CRHR2: variants seen among roughly 807,000 people sequenced by gnomAD.
The protein encoded by CRHR2 is corticotropin releasing hormone receptor 2, also known as corticotropin-releasing hormone receptor 2.
CRHR2 carries 53 observed loss-of-function variants against 57.9 expected under a neutral mutation model. That is an observed-to-expected ratio of 0.92 (90% confidence interval 0.73 to 1.15). The LOEUF is 1.15. Among genes scored for constraint, CRHR2 ranks in the 50% most tolerant of loss-of-function variants. CRHR2 has a pLI of 0.00. For synonymous variants in CRHR2, 213 were observed against 220.9 expected (o/e 0.96, Z 0.32); for missense variants, 532 against 542.6 (o/e 0.98, Z 0.19).
At chr7:30,693,766 G>A (rs1473476631) in intron 1 of CRHR2, among the ~76,000 whole-genome samples, 1 of 152,168 alleles carries the variant, frequency 6.6e-6, no homozygotes, top group Non-Finnish European at 1.5e-5. Flanking sequence ...CAGGAAGATA[G>A]CATCAGAATT....
In CRHR2 at chr7:30,653,674, T is replaced by C; in HGVS notation, c.1096-74A>G. On this transcript the variant is annotated intron_variant, in intron 11 of 11. Transcript: ENST00000471646. This position sits in a 1 kb window ranked among gnomAD's most constrained non-coding sequence, Gnocchi z 5.0. Reference sequence around the variant, plus strand: ...CTTCTGGGACCATCCCCTCCTCTGCTTTCTGCTCTCATGGGTCGACTGCCA... The same window carrying C: ...CTTCTGGGACCATCCCCTCCTCTGCCTTCTGCTCTCATGGGTCGACTGCCA... 2.0e-6 allele frequency: 3 copies of C among 1,505,654 alleles called. No individual in the cohort carries two copies. Among genetic ancestry groups the C allele is most frequent in the Non-Finnish European group, 1.8e-6 (2 of 1,132,916 alleles). The allele number at this position is 1,505,654 out of a possible 1,614,324, so 93.3% of individuals were successfully genotyped here.
intron 1 of CRHR2, among the ~76,000 whole-genome samples, chr7:30,692,397 G>C (rs888173576): frequency 4.6e-5 from 7 of 152,300 alleles, no homozygotes; most frequent in Middle Eastern, 3.4e-3. Flanking sequence ...GCCCCTGAAG[G>C]TGCAGCCTCC....
At chr7:30,664,950 T>C in intron 5 of CRHR2, 120 bp downstream of exon 5, 2 of 777,490 alleles carry the variant, frequency 2.6e-6, no homozygotes, top group Non-Finnish European at 4.5e-6. Flanking sequence ...AGAGGGCTGC[T>C]TTAGCAGGTA....
Position 30,656,330 on chromosome 7 carries a change from G to C in CRHR2, c.832-318C>G, listed in dbSNP as rs960261559. ...GAGAAAGCCCCCAACCCTCTCCCCA[G>C]TATAGGGACCCTATGGGAGCCCCCT... On this transcript the variant is annotated intron_variant, in intron 8 of 11. Coordinates refer to ENST00000471646, the MANE Select transcript of CRHR2 (RefSeq NM_001883.5). This position sits in a 1 kb window ranked among gnomAD's most constrained non-coding sequence, Gnocchi z 4.4. 6.6e-6 allele frequency among the ~76,000 whole-genome samples: 1 copy of C among 151,964 alleles called. No homozygotes were observed. The highest frequency in any genetic ancestry group is 2.4e-5 in the African/African-American group (1 of 41,400).
chr7:30,657,814 T>TTCCA (rs966919479), intron 8 of CRHR2, among the ~76,000 whole-genome samples: 4 of 151,940 alleles, frequency 2.6e-5, no homozygotes, highest in Admixed American at 1.3e-4. Flanking sequence ...CCTTCCTTCC[T>TTCCA]TCCATCCATC....
At chr7:30,694,563 C>T (rs1785020387) in intron 1 of CRHR2, among the ~76,000 whole-genome samples, 1 of 152,192 alleles carries the variant, frequency 6.6e-6, no homozygotes, top group Non-Finnish European at 1.5e-5. Flanking sequence ...ATTTACAGGA[C>T]CATGTGTCCT....
At chr7:30,696,448 G>A (rs1007436867) in intron 1 of CRHR2, among the ~76,000 whole-genome samples, 12 of 152,130 alleles carry the variant, frequency 7.9e-5, no homozygotes, top group Admixed American at 4.6e-4. Context: ...AAGGCCAGGC[G>A]CGGTGGTTCA....
rs1464460476 is a variant in CRHR2, at chr7:30,665,598, G to T, written c.357C>A (p.Val119=). 37 of 1,563,048 alleles carry T rather than the reference G, an allele frequency of 2.4e-5. No individual in the cohort carries two copies. Among genetic ancestry groups the T allele is most frequent in the Non-Finnish European group, 3.2e-5 (37 of 1,152,674 alleles). ...YDLHYRIALV[V]NYLGHCVSVA... is the part of the protein sequence containing the mutation. ...CAGATACGCAGTGGCCCAGGTAGTT[G>T]ACGACAAGGGCGATGCGGTAGTGCA... Residue 119 remains valine, a synonymous_variant, in exon 4 of 12, where the codon GTC becomes GTA. Transcript: ENST00000471646. This position sits in a 1 kb window ranked among gnomAD's most constrained non-coding sequence, Gnocchi z 4.5.
At chr7:30,677,576 G>A (rs762978619) in intron 2 of CRHR2, among the ~76,000 whole-genome samples, 9 of 152,174 alleles carry the variant, frequency 5.9e-5, no homozygotes, top group South Asian at 2.1e-4. Flanking sequence ...GGGTAAGACC[G>A]AGGCTACCTC....
intron 2 of CRHR2, among the ~76,000 whole-genome samples, chr7:30,679,913 T>C (rs1385169805): frequency 1.3e-5 from 2 of 152,112 alleles, no homozygotes; most frequent in South Asian, 2.1e-4. Flanking sequence ...TGGTTAGTGG[T>C]AAGTGCTCCC....
Position 30,656,321 on chromosome 7 carries a change from C to T in CRHR2, c.832-309G>A, listed in dbSNP as rs1035986366. Reference sequence around the variant, plus strand: ...TCTGAGGCTGAGAAAGCCCCCAACCCTCTCCCCAGTATAGGGACCCTATGG... The same window carrying T: ...TCTGAGGCTGAGAAAGCCCCCAACCTTCTCCCCAGTATAGGGACCCTATGG... On this transcript the variant is annotated intron_variant, in intron 8 of 11. Coordinates refer to ENST00000471646, the MANE Select transcript of CRHR2 (RefSeq NM_001883.5). This position sits in a 1 kb window ranked among gnomAD's most constrained non-coding sequence, Gnocchi z 4.4. Among the ~76,000 whole-genome samples, 15 of 152,104 alleles carry T rather than the reference C, an allele frequency of 9.9e-5. No individual in the cohort carries two copies. The highest frequency in any genetic ancestry group is 3.4e-4 in the African/African-American group (14 of 41,416).
At chr7:30,659,257 A>G (rs1783902388) in intron 8 of CRHR2, among the ~76,000 whole-genome samples, 1 of 152,230 alleles carries the variant, frequency 6.6e-6, no homozygotes, top group Non-Finnish European at 1.5e-5. Flanking sequence ...AAGAGGAAGC[A>G]TGGAGCTGGG....
chr7:30,676,751 A>G (rs1584118325), intron 2 of CRHR2, among the ~76,000 whole-genome samples: 1 of 152,332 alleles, frequency 6.6e-6, no homozygotes, highest in Non-Finnish European at 1.5e-5. Flanking sequence ...GGCAGACCCA[A>G]TGGGAGAGAC....
At chr7:30,698,533 G>C (rs892670331) in intron 1 of CRHR2, among the ~76,000 whole-genome samples, 1 of 152,208 alleles carries the variant, frequency 6.6e-6, no homozygotes, top group Non-Finnish European at 1.5e-5. Context: ...GGGCAGAGGG[G>C]TGGATGGTGA....
intron 2 of CRHR2, among the ~76,000 whole-genome samples, chr7:30,672,508 G>C (rs547106994): frequency 1.3e-5 from 2 of 152,334 alleles, no homozygotes; most frequent in South Asian, 4.1e-4. Context: ...ACTCATTGAA[G>C]GTAGGAGGCT....
Position 30,667,290 on chromosome 7 carries a change from C to T in CRHR2, c.253G>A (p.Glu85Lys), listed in dbSNP as rs1040376187. Residue 85 changes from glutamate to lysine, a missense_variant, in exon 3 of 12, where the codon GAG becomes AAG. Coordinates refer to ENST00000471646, the MANE Select transcript of CRHR2 (RefSeq NM_001883.5). ...TTRNAYRECL[E>K]NGTWASKINY... is the part of the protein sequence containing the mutation. ...ATCTTTGAGGCCCACGTCCCATTCT[C>T]CAAGCATTCTCGATAGGCATTCCCT... 2.5e-6 allele frequency: 4 copies of T among 1,614,176 alleles called. No homozygotes were observed. Among genetic ancestry groups the T allele is most frequent in the Admixed American group, 1.7e-5 (1 of 60,022 alleles).
intron 1 of CRHR2, among the ~76,000 whole-genome samples, chr7:30,693,627 G>T (rs1483802683): frequency 1.3e-5 from 2 of 152,226 alleles, no homozygotes; most frequent in African/African-American, 4.8e-5. Context: ...CAAAGAGAGG[G>T]TCATGGGAAC....
intron 7 of CRHR2, 84 bp downstream of exon 7, chr7:30,662,072 G>A (rs909018007): frequency 1.7e-5 from 24 of 1,449,448 alleles, no homozygotes; most frequent in African/African-American, 1.5e-4. Context: ...CCTGCTCCAC[G>A]GCTTGGCCAG....
upstream of CRHR2, among the ~76,000 whole-genome samples, chr7:30,685,681 C>T (rs979956173): frequency 5.3e-5 from 8 of 152,210 alleles, no homozygotes; most frequent in Admixed American, 1.3e-4. Flanking sequence ...AGAAAGGACT[C>T]TCAGTGACAT....
Sources: gnomAD v4.1 joint callset for allele counts (sites outside exome capture counted in the v4.1 genomes callset) on GRCh38, gnomAD v4.1.1 for gene constraint, Gnocchi (gnomAD v3.1) non-coding constraint, MANE v1.5 for transcripts, NCBI Gene and HGNC (gene_info 2026-07-23, HGNC 2026-07-21) for gene names.